PCDHGB6: variants seen among roughly 807,000 people sequenced by gnomAD.
The protein encoded by PCDHGB6 is protocadherin gamma-B6.
Under a neutral mutation model 59.1 loss-of-function variants are expected in PCDHGB6, and 51 were observed. The observed-to-expected ratio is 0.86, with a 90% confidence interval of 0.69 to 1.09. The LOEUF is 1.09. PCDHGB6 is among the 50% of genes least tolerant of loss of function. The pLI is 0.00. For synonymous variants in PCDHGB6, 466 were observed against 495.1 expected, an observed-to-expected ratio of 0.94 and a Z score of 0.78; for missense variants, 1,148 against 1,205.1, an observed-to-expected ratio of 0.95 and a Z score of 0.70.
intron 1 of PCDHGB6, chr5:141,427,957 C>T: frequency 2.5e-6 from 4 of 1,588,402 alleles, no homozygotes; most frequent in South Asian, 1.1e-5. Context: ...GACAATGTGC[C>T]GCGGGTGCTG....
chr5:141,510,472 G>A (rs1209464436), intron 3 of PCDHGB6, among the ~76,000 whole-genome samples: 7 of 152,102 alleles, frequency 4.6e-5, no homozygotes, highest in Non-Finnish European at 1.0e-4. Context: ...GGAGTCAGAG[G>A]CTCCCTTGAG....
At chr5:141,433,854 A>T (rs2097660850) in intron 1 of PCDHGB6, among the ~76,000 whole-genome samples, 1 of 151,852 alleles carries the variant, frequency 6.6e-6, no homozygotes, top group African/African-American at 2.4e-5. Context: ...AAAAAAAAAA[A>T]ACTTTATCCT....
chr5:141,507,023 C>T (rs971356315), intron 3 of PCDHGB6: 16 of 152,348 alleles, frequency 1.1e-4, no homozygotes, highest in African/African-American at 2.4e-4. Flanking sequence ...AAGGCACTTG[C>T]CCCAGGGTCC....
chr5:141,418,985 T>G, intron 1 of PCDHGB6: 1 of 1,613,882 alleles, frequency 6.2e-7, no homozygotes, highest in Non-Finnish European at 8.5e-7. Context: ...GGACCAAGAC[T>G]CAGGGGAAAA....
chr5:141,501,666 T>C (rs2099810374), intron 2 of PCDHGB6, among the ~76,000 whole-genome samples: 1 of 152,142 alleles, frequency 6.6e-6, no homozygotes. Context: ...TTGGAAAATA[T>C]AGATAATCAC....
At chr5:141,427,492 T>C (rs894605769) in intron 1 of PCDHGB6, 1 of 555,624 alleles carries the variant, frequency 1.8e-6, no homozygotes, top group Non-Finnish European at 3.4e-6. Context: ...TATAAGCTTG[T>C]AACAGATGGG....
chr5:141,472,769 T>C (rs2154571402), intron 1 of PCDHGB6, among the ~76,000 whole-genome samples: 1 of 151,816 alleles, frequency 6.6e-6, no homozygotes, highest in South Asian at 2.1e-4. Context: ...GCAGATCACC[T>C]GAGGTTGGGA....
At chr5:141,480,298 C>T (rs1238380283) in intron 1 of PCDHGB6, among the ~76,000 whole-genome samples, 1 of 132,676 alleles carries the variant, frequency 7.5e-6, no homozygotes, top group Non-Finnish European at 1.6e-5. Flanking sequence ...ACCTGTGGTA[C>T]CAGCTACTTG....
Position 141,408,597 on chromosome 5 carries a change from A to G in PCDHGB6, c.395A>G (p.Gln132Arg), listed in dbSNP as rs1389452276. Reference sequence around the variant, plus strand: ...GAGGATGTTAATGACCACGCCCCTCAATTTGATAAAAAGGAAATACATTTA... The same window carrying G: ...GAGGATGTTAATGACCACGCCCCTCGATTTGATAAAAAGGAAATACATTTA... ...VIEDVNDHAP[Q>R]FDKKEIHLEI... Residue 132 changes from glutamine (Q) to arginine (R), a missense_variant, in exon 1 of 4, where the codon CAA becomes CGA. Gln to Arg is a conservative substitution (Grantham distance 43). Coordinates refer to ENST00000520790, the MANE Select transcript of PCDHGB6 (RefSeq NM_018926.3). 1 of 1,614,042 alleles carries G rather than the reference A, an allele frequency of 6.2e-7. No homozygotes were observed. The highest frequency in any genetic ancestry group is 8.5e-7 in the Non-Finnish European group (1 of 1,179,890).
intron 1 of PCDHGB6, chr5:141,419,312 G>A (rs35892780): frequency 1.2e-6 from 2 of 1,613,962 alleles, no homozygotes; most frequent in South Asian, 2.2e-5. Context: ...CGGGCTCAAC[G>A]GCCGTGTCTC....
rs376101780 is a variant in PCDHGB6, at chr5:141,485,901, A to G, written c.2419-8906A>G. 3 of 1,614,026 alleles carry G rather than the reference A, an allele frequency of 1.9e-6. No homozygotes were observed. In the African/African-American group the frequency reaches 4.0e-5, roughly 22 times the overall value. Reference sequence around the variant, plus strand: ...GTAAACGACAACGCCCCAGCCTTCCAGCAATCCAGCTACAGGATTAGTGTG... The same window carrying G: ...GTAAACGACAACGCCCCAGCCTTCCGGCAATCCAGCTACAGGATTAGTGTG... On this transcript the variant is annotated intron_variant, in intron 1 of 3. Coordinates refer to ENST00000520790, the MANE Select transcript of PCDHGB6 (RefSeq NM_018926.3). This position sits in a 1 kb window ranked among gnomAD's most constrained non-coding sequence, Gnocchi z 5.7.
intron 1 of PCDHGB6, chr5:141,421,454 T>C: frequency 6.2e-7 from 1 of 1,614,132 alleles, no homozygotes; most frequent in Non-Finnish European, 8.5e-7. Flanking sequence ...ACACAGCTTT[T>C]CGCTGTGAAT....
In PCDHGB6 at chr5:141,490,507, G is replaced by C; in HGVS notation, c.2419-4300G>C. 1 of 1,614,016 alleles carries C rather than the reference G, an allele frequency of 6.2e-7. No individual in the cohort carries two copies. Among genetic ancestry groups the C allele is most frequent in the Non-Finnish European group, 8.5e-7 (1 of 1,180,002 alleles). On this transcript the variant is annotated intron_variant, in intron 1 of 3. Transcript: ENST00000520790. The surrounding 1 kb of genome is among the most constrained non-coding windows in gnomAD (Gnocchi z 5.4). ...GGAGGCCACATCCCACTATATCATCGAGCTGCTGGCCAGCGATGCTGGTTC... is the reference window on the plus strand; with the variant it reads ...GGAGGCCACATCCCACTATATCATCCAGCTGCTGGCCAGCGATGCTGGTTC...
rs1410419839 is a variant in PCDHGB6 at position 141,429,391 on chromosome 5, A to ATTTT, written c.2418+18771_2418+18772insTTTT. Among the ~76,000 whole-genome samples, 380 of 151,312 alleles carry ATTTT rather than the reference A, an allele frequency of 2.5e-3. 1 individual carries two copies. The highest frequency in any genetic ancestry group is 4.2e-3 in the South Asian group (20 of 4,768). On this transcript the variant is annotated intron_variant, in intron 1 of 3. Coordinates refer to ENST00000520790, the MANE Select transcript of PCDHGB6 (RefSeq NM_018926.3). The stretch of plus-strand genomic sequence containing the variant: ...GGAGAAAATGTGTTTTTTTTTTAAA[A>ATTTT]AAAATTGAGATTAAGGTCTCATTAT...
chr5:141,480,651 C>T (rs780138971), intron 1 of PCDHGB6, among the ~76,000 whole-genome samples: 1 of 152,174 alleles, frequency 6.6e-6, no homozygotes, highest in African/African-American at 2.4e-5. Flanking sequence ...CTTGGTTGCA[C>T]ATTAAAATCA....
At chr5:141,460,787 C>T (rs1177595415) in intron 1 of PCDHGB6, among the ~76,000 whole-genome samples, 1 of 151,504 alleles carries the variant, frequency 6.6e-6, no homozygotes, top group Non-Finnish European at 1.5e-5. Context: ...TACATATATA[C>T]ACACAAAGTA....
At chr5:141,428,055 G>T in intron 1 of PCDHGB6, 1 of 1,609,070 alleles carries the variant, frequency 6.2e-7, no homozygotes, top group Non-Finnish European at 8.5e-7. Context: ...CAAGGTGGTG[G>T]CGGTGGACGC....
At chr5:141,472,617 A>G (rs1024856184) in intron 1 of PCDHGB6, among the ~76,000 whole-genome samples, 3 of 152,138 alleles carry the variant, frequency 2.0e-5, no homozygotes, top group African/African-American at 7.2e-5. Flanking sequence ...CAAAGAAGAA[A>G]AAAGATAAAG....
rs1354607645 is a variant in PCDHGB6, at chr5:141,433,848, A to C, written c.2418+23228A>C. Among the ~76,000 whole-genome samples, 4 of 152,082 alleles carry C rather than the reference A, an allele frequency of 2.6e-5. No individual in the cohort carries two copies. In the East Asian group the frequency reaches 5.8e-4, roughly 22 times the overall value. ...GTGAAACTCTATCTCAAAAAAAAAA[A>C]AAAAAAACTTTATCCTCTAGTTTCA... On this transcript the variant is annotated intron_variant, in intron 1 of 3. Coordinates refer to ENST00000520790, the MANE Select transcript of PCDHGB6 (RefSeq NM_018926.3).
Sources: gnomAD v4.1 joint callset for allele counts (sites outside exome capture counted in the v4.1 genomes callset) on GRCh38, gnomAD v4.1.1 for gene constraint, Gnocchi (gnomAD v3.1) non-coding constraint, MANE v1.5 for transcripts, NCBI Gene and HGNC (gene_info 2026-07-23, HGNC 2026-07-21) for gene names.